The following ZDHHC9 variants were observed in gnomAD, a reference collection of about 807,000 sequenced individuals.
The protein encoded by ZDHHC9 is zDHHC palmitoyltransferase 9, also known as palmitoyltransferase ZDHHC9.
Under a neutral mutation model 26.6 loss-of-function variants are expected in ZDHHC9, and 3 were observed. That is an observed-to-expected ratio of 0.11 (90% CI 0.05 to 0.29). The LOEUF (loss-of-function observed/expected upper bound fraction) is 0.29, where lower values mean the gene tolerates loss of function less well. Among genes scored for constraint, ZDHHC9 ranks in the 10% least tolerant of loss-of-function variants. The pLI, the probability that ZDHHC9 is intolerant of heterozygous loss-of-function variation, is 1.00. For synonymous variants in ZDHHC9, 111 were observed against 109.4 expected (o/e 1.01, Z -0.09); for missense variants, 146 against 296.4 (o/e 0.49, Z 3.73).
chrX:129,810,351 A>C (rs992113268), intron 10 of ZDHHC9, among the ~76,000 whole-genome samples: 1 of 111,249 alleles, frequency 9.0e-6, no homozygotes, highest in African/African-American at 3.3e-5. Context: ...ATCTCAAAAA[A>C]AAAAGCTCAA....
intron 3 of ZDHHC9, among the ~76,000 whole-genome samples, chrX:129,834,835 T>C (rs1168872049): frequency 8.9e-6 from 1 of 111,975 alleles, no homozygotes; most frequent in Non-Finnish European, 1.9e-5. Context: ...CTGAATTAGC[T>C]AGCTTCTTGC....
At position 129,840,488 on chromosome X, in the gene ZDHHC9, C is replaced by T. The variant is rs768926226; in HGVS notation, c.167+1291G>A. On this transcript the variant is annotated intron_variant, in intron 3 of 10. Coordinates refer to ENST00000357166, the MANE Select transcript of ZDHHC9 (RefSeq NM_016032.4). ...TGCTCACTGGTACCACACACAAGCA[C>T]GTGCGTGCACATATGCACACACACA... 6.3e-5 allele frequency among the ~76,000 whole-genome samples: 7 copies of T among 111,640 alleles called. No individual in the cohort carries two copies. In the East Asian group the frequency reaches 1.7e-3, roughly 27 times the overall value.
At chrX:129,840,492 C>T (rs905483874) in intron 3 of ZDHHC9, among the ~76,000 whole-genome samples, 1 of 111,564 alleles carries the variant, frequency 9.0e-6, no homozygotes, top group African/African-American at 3.3e-5. Flanking sequence ...CAAGCACGTG[C>T]GTGCACATAT....
chrX:129,817,259 T>A (rs1927777091), intron 5 of ZDHHC9, among the ~76,000 whole-genome samples: 1 of 111,044 alleles, frequency 9.0e-6, no homozygotes, highest in African/African-American at 3.3e-5. Context: ...GAGACCAGCC[T>A]GGCCAACATG....
chrX:129,834,180 G>A (rs1007269746), intron 3 of ZDHHC9, among the ~76,000 whole-genome samples: 2 of 111,423 alleles, frequency 1.8e-5, no homozygotes, highest in African/African-American at 6.5e-5. Context: ...GAACCAGAAA[G>A]CAGGCCTTCA....
At chrX:129,835,525 G>A (rs1928238894) in intron 3 of ZDHHC9, among the ~76,000 whole-genome samples, 1 of 110,853 alleles carries the variant, frequency 9.0e-6, no homozygotes, top group African/African-American at 3.3e-5. Flanking sequence ...GCTCACGCCT[G>A]TAATCCCAGC....
At chrX:129,825,785 G>A (rs938702757) in intron 4 of ZDHHC9, among the ~76,000 whole-genome samples, 11 of 111,520 alleles carry the variant, frequency 9.9e-5, no homozygotes, top group Admixed American at 7.7e-4. Context: ...TGAAGTTGCC[G>A]GCATTAAAAT....
At chrX:129,806,544 G>C in intron 10 of ZDHHC9, 58 bp from the exon 11 acceptor site, 1 of 1,055,161 alleles carries the variant, frequency 9.5e-7, no homozygotes, top group Non-Finnish European at 1.3e-6. Context: ...TCCAAATGCA[G>C]ATAAACCTTA....
intron 5 of ZDHHC9, chrX:129,822,857 T>C (rs1276238927): frequency 2.7e-5 from 3 of 111,182 alleles, no homozygotes; most frequent in Non-Finnish European, 5.7e-5. Context: ...AAAAAGTAAT[T>C]TTAAAAAGAA....
chrX:129,823,876 A>G, intron 4 of ZDHHC9, 39 bp from the exon 5 acceptor site: 1 of 1,187,236 alleles, frequency 8.4e-7, no homozygotes, highest in Non-Finnish European at 1.1e-6. Flanking sequence ...ACAGCTAGCC[A>G]TCACTTGAGC....
Position 129,810,956 on chromosome X carries a change from A to T in ZDHHC9, c.927T>A (p.Ser309Arg). 8.3e-7 allele frequency: 1 copy of T among 1,211,565 alleles called. No individual in the cohort carries two copies. Among genetic ancestry groups the T allele is most frequent in the Non-Finnish European group, 1.1e-6 (1 of 895,413 alleles). The change falls in exon 10 of 11, where the codon AGT (serine) becomes AGA (arginine). Residue 309 changes from serine (S) to arginine (R), a missense_variant. Ser to Arg is a moderately radical substitution (Grantham distance 110). Transcript: ENST00000357166. ...TGGTCTCTTGAGTACTGGGAGGTCGACTTCCACTTTCCTCCAGTGGCAAAA... is the reference window on the plus strand; with the variant it reads ...TGGTCTCTTGAGTACTGGGAGGTCGTCTTCCACTTTCCTCCAGTGGCAAAA... The part of the protein sequence containing the change: ...RGILPLEESG[S>R]RPPSTQETSS...
At chrX:129,810,155 C>A (rs186085215) in intron 10 of ZDHHC9, among the ~76,000 whole-genome samples, 6,703 of 108,532 alleles carry the variant, frequency 0.062, 507 homozygotes, top group African/African-American at 0.21. Context: ...TGCAGACCAT[C>A]CTGGCCAGGA....
intron 2 of ZDHHC9, 75 bp from the exon 3 acceptor site, chrX:129,842,155 A>G (rs1287172535): frequency 2.2e-6 from 1 of 457,542 alleles, no homozygotes; most frequent in Non-Finnish European, 3.7e-6. Context: ...TTTCCCAGAG[A>G]CAGAAAGTTG....
chrX:129,843,594 G>C (rs1928435958), intron 1 of ZDHHC9, 102 bp downstream of exon 1: 1 of 111,619 alleles, frequency 9.0e-6, no homozygotes, highest in African/African-American at 3.2e-5. Flanking sequence ...CTGCCGAGTT[G>C]AGAAGGGCGG....
intron 5 of ZDHHC9, among the ~76,000 whole-genome samples, chrX:129,817,436 A>G (rs771411421): frequency 9.0e-6 from 1 of 111,040 alleles, no homozygotes; most frequent in East Asian, 2.9e-4. Context: ...TGGGTGACAG[A>G]GTGAGACCCT....
chrX:129,813,584 G>GA lies in ZDHHC9; in HGVS notation c.674+92dup, dbSNP rs773229061. 123 of 955,839 alleles carry GA rather than the reference G, an allele frequency of 1.3e-4. No individual in the cohort carries two copies. In the South Asian group the frequency reaches 2.3e-3, roughly 18 times the overall value. The allele number at this position is 955,839 out of a possible 1,213,427, so 78.8% of individuals were successfully genotyped here. A position where few individuals can be genotyped will look rare whatever the true frequency, so the allele number is the denominator to read the frequency against. On this transcript the variant is annotated intron_variant, in intron 7 of 10. Coordinates refer to ENST00000357166, the MANE Select transcript of ZDHHC9 (RefSeq NM_016032.4). ...TAGACCTTGGCACTCTCTGATATCTGAAAAACTAGATAGTGGGAGAACTGT... is the reference window on the plus strand; with the variant it reads ...TAGACCTTGGCACTCTCTGATATCTGAAAAAACTAGATAGTGGGAGAACTGT...
intron 4 of ZDHHC9, among the ~76,000 whole-genome samples, chrX:129,825,834 C>T (rs1344525775): frequency 1.8e-5 from 2 of 111,416 alleles, no homozygotes; most frequent in East Asian, 2.8e-4. Flanking sequence ...AATGATGCAC[C>T]AAAAATCCTT....
In ZDHHC9 at chrX:129,813,802, C is replaced by T. The variant is rs998884013; in HGVS notation, c.626-77G>A. ...ACTACACACTATCCTAGTGCCTACT[C>T]ACTTCCTTCCCTCCCTCTCCCGTGT... On this transcript the variant is annotated intron_variant, in intron 6 of 10. Coordinates refer to ENST00000357166, the MANE Select transcript of ZDHHC9 (RefSeq NM_016032.4). 2.1e-5 allele frequency: 19 copies of T among 926,800 alleles called. No homozygotes were observed. In the African/African-American group the frequency reaches 3.5e-4, roughly 17 times the overall value. 76.4% of individuals were successfully genotyped at this position (926,800 alleles called of 1,213,427 possible).
chrX:129,843,081 C>G (rs1928419216), intron 2 of ZDHHC9, among the ~76,000 whole-genome samples, 178 bp downstream of exon 2: 1 of 112,538 alleles, frequency 8.9e-6, no homozygotes, highest in Non-Finnish European at 1.9e-5. Flanking sequence ...GCTGGCAGGA[C>G]TGAGGCGGAA....
Sources: gnomAD v4.1 joint callset for allele counts (sites outside exome capture counted in the v4.1 genomes callset) on GRCh38, gnomAD v4.1.1 for gene constraint, MANE v1.5 for transcripts, NCBI Gene and HGNC (gene_info 2026-07-23, HGNC 2026-07-21) for gene names.